Variants in TG observed in about 807,000 individuals in gnomAD.
The protein encoded by TG is thyroglobulin.
TG carries 270 observed loss-of-function variants against 324.7 expected under a neutral mutation model. The observed-to-expected ratio is 0.83, with a 90% CI of 0.75 to 0.92. The LOEUF is 0.92. Ranked by LOEUF, TG falls within the 40% of genes least tolerant of loss-of-function variation. The probability of loss-of-function intolerance (pLI) is 0.00; values close to 1 mark genes in which losing one functional copy is unlikely to be tolerated. For synonymous variants in TG, 1,401 were observed against 1,327.0 expected, an observed-to-expected ratio of 1.06 and a Z score of -1.21; for missense variants, 3,591 against 3,456.4, an observed-to-expected ratio of 1.04 and a Z score of -0.98.
At chr8:132,993,834 C>A (rs1483614609) in intron 35 of TG, among the ~76,000 whole-genome samples, 1 of 152,184 alleles carries the variant, frequency 6.6e-6, no homozygotes, top group African/African-American at 2.4e-5. Context: ...GAGCCAAGAG[C>A]AAAATATGTC....
intron 41 of TG, among the ~76,000 whole-genome samples, chr8:133,062,425 C>T (rs1351018163): frequency 2.0e-5 from 3 of 152,260 alleles, no homozygotes; most frequent in Non-Finnish European, 4.4e-5. Context: ...GGTGGCGTGA[C>T]TCCAACCCAC....
chr8:132,879,638 C>T (rs1305058381), intron 5 of TG, among the ~76,000 whole-genome samples: 1 of 152,216 alleles, frequency 6.6e-6, no homozygotes, highest in Non-Finnish European at 1.5e-5. Flanking sequence ...CAGCAAAGAA[C>T]AGCCCTAGAG....
intron 11 of TG, among the ~76,000 whole-genome samples, chr8:132,895,879 A>T (rs879406621): frequency 7.2e-5 from 11 of 152,224 alleles, no homozygotes; most frequent in Admixed American, 7.2e-4. Context: ...TTTCTTCAGA[A>T]GTCGAGCTGA....
chr8:133,043,573 A>G (rs1358734103), intron 41 of TG, among the ~76,000 whole-genome samples: 1 of 152,196 alleles, frequency 6.6e-6, no homozygotes, highest in Non-Finnish European at 1.5e-5. Flanking sequence ...CTAGGAGCCC[A>G]TATTCACCCA....
At chr8:133,015,807 G>T (rs1487820160) in intron 37 of TG, among the ~76,000 whole-genome samples, 1 of 152,222 alleles carries the variant, frequency 6.6e-6, no homozygotes, top group East Asian at 1.9e-4. Context: ...CATGATTTGT[G>T]ATTGAGGCCA....
At chr8:133,101,100 G>T (rs1849187115) in intron 43 of TG, among the ~76,000 whole-genome samples, 1 of 152,060 alleles carries the variant, frequency 6.6e-6, no homozygotes, top group African/African-American at 2.4e-5. Context: ...GTGGCGGGTG[G>T]CAGGCTCTAC....
rs747373357 is a variant in TG, at chr8:133,029,917, G to A, written c.7133G>A (p.Arg2378Gln). The A allele has an allele frequency of 2.1e-5, 34 of 1,614,068 alleles. No individual in the cohort carries two copies. Among genetic ancestry groups the A allele is most frequent in the Middle Eastern group, 1.6e-4 (1 of 6,082 alleles). ...ATCCGAGGATTTGGCGGGGACCCTCGGCGCGTGTCCCTGGCAGCAGACCGT... is the reference window on the plus strand; with the variant it reads ...ATCCGAGGATTTGGCGGGGACCCTCAGCGCGTGTCCCTGGCAGCAGACCGT... The part of the protein sequence containing the change: ...THIRGFGGDP[R>Q]RVSLAADRGG... Residue 2378 changes from arginine (R) to glutamine (Q), a missense_variant, in exon 41 of 48, where the codon CGG becomes CAG. By Grantham distance (43) the Arg-to-Gln change is conservative (BLOSUM62 1). Transcript: ENST00000220616.
chr8:132,996,011 G>T (rs1832844206), intron 35 of TG, among the ~76,000 whole-genome samples: 1 of 152,186 alleles, frequency 6.6e-6, no homozygotes, highest in African/African-American at 2.4e-5. Flanking sequence ...TGAGGCTGCA[G>T]CTGAGTCATA....
At chr8:133,079,332 C>T (rs889748196) in intron 41 of TG, among the ~76,000 whole-genome samples, 1 of 152,218 alleles carries the variant, frequency 6.6e-6, no homozygotes, top group Non-Finnish European at 1.5e-5. Flanking sequence ...CAAATAATAA[C>T]AATGCCAGCC....
At chr8:132,883,736 A>G (rs1397403733) in intron 8 of TG, among the ~76,000 whole-genome samples, 1 of 152,308 alleles carries the variant, frequency 6.6e-6, no homozygotes, top group Admixed American at 6.5e-5. Context: ...AGAGACTCAA[A>G]GAAGCAGTAG....
intron 16 of TG, among the ~76,000 whole-genome samples, chr8:132,904,076 G>A (rs746031179): frequency 6.6e-6 from 1 of 152,206 alleles, no homozygotes; most frequent in Non-Finnish European, 1.5e-5. Flanking sequence ...TGGTAGCTCA[G>A]AGCACAACAC....
At chr8:132,919,868 G>T (rs549035664) in intron 21 of TG, among the ~76,000 whole-genome samples, 9 of 152,276 alleles carry the variant, frequency 5.9e-5, no homozygotes, top group Non-Finnish European at 1.2e-4. Context: ...CTAGGCCCTG[G>T]GCCAGGCATT....
rs752788916 is a variant in TG, at chr8:132,893,961, C to T, written c.3001+32C>T. 1.1e-5 allele frequency: 17 copies of T among 1,613,866 alleles called. No homozygotes were observed. In the South Asian group the frequency reaches 1.9e-4, roughly 18 times the overall value. On this transcript the variant is annotated intron_variant, in intron 11 of 47. Coordinates refer to ENST00000220616, the MANE Select transcript of TG (RefSeq NM_003235.5). ...GTGGTGCCCTTCAGCTTTCTTACTG[C>T]ATCGCTTTGGAAAAGCAGGAGCTTA...
intron 41 of TG, among the ~76,000 whole-genome samples, chr8:133,072,528 A>C (rs1025904116): frequency 3.3e-5 from 5 of 152,182 alleles, no homozygotes; most frequent in Non-Finnish European, 7.3e-5. Context: ...ACAAGAACCA[A>C]ATGGTTTGGT....
At chr8:132,903,803 G>T (rs914571850) in intron 16 of TG, among the ~76,000 whole-genome samples, 1 of 152,206 alleles carries the variant, frequency 6.6e-6, no homozygotes, top group Non-Finnish European at 1.5e-5. Context: ...GTGACCTTGG[G>T]CTGGTCCCCT....
chr8:132,947,907 A>G (rs896621208), intron 26 of TG, among the ~76,000 whole-genome samples: 1 of 152,256 alleles, frequency 6.6e-6, no homozygotes, highest in African/African-American at 2.4e-5. Context: ...TAAAATCACT[A>G]TCAAATTCGA....
intron 27 of TG, among the ~76,000 whole-genome samples, chr8:132,958,233 G>A (rs1237263851): frequency 1.3e-5 from 2 of 152,154 alleles, no homozygotes; most frequent in Admixed American, 1.3e-4. Flanking sequence ...GAATTATAAT[G>A]CATGACCAAA....
intron 36 of TG, among the ~76,000 whole-genome samples, chr8:133,013,132 CA>C (rs1834666457): frequency 6.6e-6 from 1 of 152,142 alleles, no homozygotes; most frequent in African/African-American, 2.4e-5. Flanking sequence ...ATTAAATAAA[CA>C]AAAAAGACCT....
intron 25 of TG, among the ~76,000 whole-genome samples, chr8:132,937,262 C>T (rs984396651): frequency 2.6e-5 from 4 of 152,140 alleles, no homozygotes; most frequent in Non-Finnish European, 5.9e-5. Flanking sequence ...CTCGGGGCTT[C>T]CAGCAGCTTC....
Sources: gnomAD v4.1 joint callset for allele counts (sites outside exome capture counted in the v4.1 genomes callset) on GRCh38, gnomAD v4.1.1 for gene constraint, MANE v1.5 for transcripts, NCBI Gene and HGNC (gene_info 2026-07-23, HGNC 2026-07-21) for gene names.